KDM4C: variants seen among roughly 807,000 people sequenced by gnomAD.
KDM4C encodes the protein lysine-specific demethylase 4C.
Under a neutral mutation model 129.3 loss-of-function variants are expected in KDM4C, and 81 were observed. The observed-to-expected ratio is 0.63, with a 90% confidence interval of 0.52 to 0.75. The LOEUF is 0.75. Ranked by LOEUF, KDM4C falls within the 30% of genes least tolerant of loss-of-function variation. The pLI is 0.00. For missense variants in KDM4C, 1,457 were observed against 1,304.0 expected (o/e 1.12, Z -1.81); for synonymous variants, 573 against 456.1 (o/e 1.26, Z -3.26).
At chr9:6,938,389 A>C (rs1375754291) in intron 8 of KDM4C, among the ~76,000 whole-genome samples, 1 of 152,134 alleles carries the variant, frequency 6.6e-6, no homozygotes, top group Non-Finnish European at 1.5e-5. Context: ...GAAAAGAAAT[A>C]GTCTTTTGTT....
chr9:6,914,434 G>A (rs1819936753), intron 8 of KDM4C, among the ~76,000 whole-genome samples: 1 of 152,108 alleles, frequency 6.6e-6, no homozygotes, highest in South Asian at 2.1e-4. Context: ...ATCATTTCCT[G>A]GCTACTTGTA....
At position 6,882,805 on chromosome 9, in the gene KDM4C, T is replaced by TGTGC. The variant is rs66830716; in HGVS notation, c.679+2745_679+2746insTGCG. On this transcript the variant is annotated intron_variant, in intron 6 of 21. Coordinates refer to ENST00000381309, the MANE Select transcript of KDM4C (RefSeq NM_015061.6). ...GTGTGTGTGTGTGTGTGTGTGTGTGTGCGCGTGTGCACGTGCACGCACATT... is the reference window on the plus strand; with the variant it reads ...GTGTGTGTGTGTGTGTGTGTGTGTGTGTGCGCGCGTGTGCACGTGCACGCACATT... 3.3e-3 allele frequency among the ~76,000 whole-genome samples: 496 copies of TGTGC among 149,246 alleles called. 2 individuals are homozygous for TGTGC. Among genetic ancestry groups the TGTGC allele is most frequent in the East Asian group, 0.019 (98 of 5,118 alleles).
At chr9:6,721,437 C>A in intron 1 of KDM4C, among the ~76,000 whole-genome samples, 1 of 151,702 alleles carries the variant, frequency 6.6e-6, no homozygotes, top group African/African-American at 2.4e-5. Flanking sequence ...GCATGTGCCA[C>A]GACACCTGAC....
rs1484020769 is a variant in KDM4C at position 6,799,109 on chromosome 9, C to T, written c.144+5977C>T. 7.9e-5 allele frequency among the ~76,000 whole-genome samples: 12 copies of T among 151,974 alleles called. 1 individual carries two copies. Among genetic ancestry groups the T allele is most frequent in the Admixed American group, 7.9e-4 (12 of 15,260 alleles). On this transcript the variant is annotated intron_variant, in intron 2 of 21. Coordinates refer to ENST00000381309, the MANE Select transcript of KDM4C (RefSeq NM_015061.6). ...GGCATCCAGGCAGAGGGGCTCCTCACGTCCCAGACGATGGGCGGCCAGGCA... is the reference window on the plus strand; with the variant it reads ...GGCATCCAGGCAGAGGGGCTCCTCATGTCCCAGACGATGGGCGGCCAGGCA...
intron 5 of KDM4C, among the ~76,000 whole-genome samples, chr9:6,857,786 G>A (rs1039682190): frequency 9.5e-5 from 14 of 147,038 alleles, no homozygotes; most frequent in Non-Finnish European, 1.6e-4. Flanking sequence ...ACAGGGTCTC[G>A]CTCTGTTGCT....
At chr9:7,162,855 C>T (rs918211217) in intron 19 of KDM4C, among the ~76,000 whole-genome samples, 12 of 151,828 alleles carry the variant, frequency 7.9e-5, no homozygotes, top group East Asian at 7.7e-4. Context: ...TGTTGGGATT[C>T]GAGAAGGACC....
intron 5 of KDM4C, among the ~76,000 whole-genome samples, chr9:6,874,733 G>A (rs1338878252): frequency 1.3e-5 from 2 of 152,058 alleles, no homozygotes; most frequent in Non-Finnish European, 2.9e-5. Flanking sequence ...ACATAGCTCT[G>A]GGTAAGACCC....
chr9:7,151,378 A>G (rs959797760), intron 19 of KDM4C, among the ~76,000 whole-genome samples: 21 of 151,396 alleles, frequency 1.4e-4, no homozygotes, highest in Admixed American at 8.5e-4. Context: ...GAGTTCAGAA[A>G]GGGTGTGTAT....
intron 5 of KDM4C, among the ~76,000 whole-genome samples, chr9:6,860,517 C>G (rs1305203344): frequency 6.6e-6 from 1 of 152,150 alleles, no homozygotes; most frequent in African/African-American, 2.4e-5. Context: ...GGGTACTAGG[C>G]TTAATACCTG....
chr9:7,144,571 C>T (rs1032981702), intron 19 of KDM4C, among the ~76,000 whole-genome samples: 3 of 152,224 alleles, frequency 2.0e-5, no homozygotes, highest in Admixed American at 6.5e-5. Context: ...TAGGGGAGAA[C>T]AGCCATAGGT....
intron 7 of KDM4C, among the ~76,000 whole-genome samples, chr9:6,888,753 A>G (rs920662470): frequency 1.3e-5 from 2 of 151,814 alleles, no homozygotes; most frequent in African/African-American, 4.8e-5. Context: ...TTGCAGAAAC[A>G]TTAAAAAATA....
At chr9:6,995,915 A>G (rs191823422) in intron 12 of KDM4C, among the ~76,000 whole-genome samples, 1,651 of 152,136 alleles carry the variant, frequency 0.011, 25 homozygotes, top group African/African-American at 0.031. Flanking sequence ...TGATCTGCCC[A>G]CCTCGGCCTC....
At chr9:7,093,206 G>T (rs1472961571) in intron 17 of KDM4C, among the ~76,000 whole-genome samples, 1 of 152,090 alleles carries the variant, frequency 6.6e-6, no homozygotes, top group East Asian at 1.9e-4. Context: ...CTCTTTTGAG[G>T]ACCTGTTAAT....
chr9:6,783,123 G>T (rs1404048659), intron 1 of KDM4C, among the ~76,000 whole-genome samples: 2 of 152,164 alleles, frequency 1.3e-5, no homozygotes. Context: ...CCTGGTAAAA[G>T]GTAGCTCCCA....
At chr9:7,107,686 C>G (rs531800315) in intron 18 of KDM4C, among the ~76,000 whole-genome samples, 1 of 152,258 alleles carries the variant, frequency 6.6e-6, no homozygotes, top group South Asian at 2.1e-4. Context: ...GTATTCATAG[C>G]TTTAGAAACC....
At chr9:7,007,247 T>C (rs1366015286) in intron 12 of KDM4C, among the ~76,000 whole-genome samples, 1 of 152,230 alleles carries the variant, frequency 6.6e-6, no homozygotes, top group Admixed American at 6.5e-5. Context: ...CTGCTTTGTA[T>C]TTAGGCTCAT....
chr9:6,865,975 G>A (rs908031079), intron 5 of KDM4C, among the ~76,000 whole-genome samples: 2 of 151,988 alleles, frequency 1.3e-5, no homozygotes, highest in South Asian at 2.1e-4. Flanking sequence ...GGATGGTCTC[G>A]ATCTCCTGAC....
chr9:6,748,655 A>G (rs758203498), intron 1 of KDM4C: 1 of 1,042,474 alleles, frequency 9.6e-7, no homozygotes, highest in Non-Finnish European at 1.5e-6. Flanking sequence ...AGGACGTCTA[A>G]AAACAAACTG....
intron 8 of KDM4C, among the ~76,000 whole-genome samples, chr9:6,967,079 ACT>A: frequency 6.6e-6 from 1 of 152,154 alleles, no homozygotes; most frequent in Non-Finnish European, 1.5e-5. Flanking sequence ...AACCTGAAAA[ACT>A]CAATCATGAA....
Sources: gnomAD v4.1 joint callset for allele counts (sites outside exome capture counted in the v4.1 genomes callset) on GRCh38, gnomAD v4.1.1 for gene constraint, MANE v1.5 for transcripts, NCBI Gene and HGNC (gene_info 2026-07-23, HGNC 2026-07-21) for gene names.